Variants in ZNF660 observed in about 807,000 individuals in gnomAD.
ZNF660 encodes the protein zinc finger protein 660.
Under a neutral mutation model 23.2 loss-of-function variants are expected in ZNF660, and 24 were observed. That is an observed-to-expected ratio of 1.04 (90% CI 0.75 to 1.46). ZNF660 has a LOEUF of 1.46. ZNF660 is among the 40% of genes most tolerant of loss of function. The pLI, the probability that ZNF660 is intolerant of heterozygous loss-of-function variation, is 0.00. For missense variants in ZNF660, 373 were observed against 396.8 expected, an observed-to-expected ratio of 0.94 and a Z score of 0.51; for synonymous variants, 117 against 131.4, an observed-to-expected ratio of 0.89 and a Z score of 0.75.
rs1248932281 is a variant in ZNF660 at position 44,599,608 on chromosome 3, C to T, written c.*4419C>T. The T allele has an allele frequency of 6.6e-6, 1 of 152,070 alleles. No homozygotes were observed. Among genetic ancestry groups the T allele is most frequent in the South Asian group, 2.1e-4 (1 of 4,826 alleles). 9.4% of individuals were successfully genotyped at this position (152,070 alleles called of 1,614,324 possible). On this transcript the variant is annotated 3_prime_UTR_variant, in exon 3 of 3. Transcript: ENST00000322734. Reference sequence around the variant, plus strand: ...TTAGTCGCCAGACTGTCTTTAATAGCCTCTGATGTTATAAAACTGGAGTCA... The same window carrying T: ...TTAGTCGCCAGACTGTCTTTAATAGTCTCTGATGTTATAAAACTGGAGTCA...
rs1177157119 is a variant in ZNF660, at chr3:44,586,145, G to A, written c.-249G>A. On this transcript the variant is annotated 5_prime_UTR_variant, in exon 2 of 3. Transcript: ENST00000322734. ...TTAGGAACTTCTTCACTGAACTCAA[G>A]GAGGAGATCAGGCAAGATCTGTGCT... 1 of 152,170 alleles carries A rather than the reference G, an allele frequency of 6.6e-6. No individual in the cohort carries two copies. The highest frequency in any genetic ancestry group is 1.5e-5 in the Non-Finnish European group (1 of 68,040). 9.4% of individuals were successfully genotyped at this position (152,170 alleles called of 1,614,324 possible). A position where few individuals can be genotyped will look rare whatever the true frequency, so the allele number is the denominator to read the frequency against.
chr3:44,586,875 C>T (rs1301265378), intron 2 of ZNF660, among the ~76,000 whole-genome samples: 2 of 152,212 alleles, frequency 1.3e-5, no homozygotes, highest in Admixed American at 6.5e-5. Flanking sequence ...GAACTGCTCT[C>T]TGAGGGCATA....
rs1284506990 is a variant in ZNF660 at position 44,594,296 on chromosome 3, T to A, written c.103T>A (p.Cys35Ser). The A allele has an allele frequency of 6.2e-7, 1 of 1,614,142 alleles. No individual in the cohort carries two copies. Among genetic ancestry groups the A allele is most frequent in the South Asian group, 1.1e-5 (1 of 91,084 alleles). ...QESEKDNSQC[C>S]DPATNERVQA... ...ATCTGAAAAAGACAATAGTCAGTGCTGTGACCCTGCAACAAATGAGAGAGT... is the reference window on the plus strand; with the variant it reads ...ATCTGAAAAAGACAATAGTCAGTGCAGTGACCCTGCAACAAATGAGAGAGT... Residue 35 changes from cysteine (C) to serine (S), a missense_variant, in exon 3 of 3, where the codon TGT (cysteine) becomes AGT (serine). Coordinates refer to ENST00000322734, the MANE Select transcript of ZNF660 (RefSeq NM_173658.4).
At chr3:44,586,691 A>C (rs1700233165) in intron 2 of ZNF660, 1 of 152,180 alleles carries the variant, frequency 6.6e-6, no homozygotes. Context: ...AAAAGGACAA[A>C]CATGTAGAGG....
At chr3:44,593,692 A>C (rs1347919206) in intron 2 of ZNF660, among the ~76,000 whole-genome samples, 1 of 80,462 alleles carries the variant, frequency 1.2e-5, no homozygotes, top group Non-Finnish European at 3.2e-5. Context: ...TCCATCTCAA[A>C]AAAAAAAAAA....
chr3:44,591,555 A>G (rs1355027245), intron 2 of ZNF660, among the ~76,000 whole-genome samples: 1 of 152,242 alleles, frequency 6.6e-6, no homozygotes, highest in East Asian at 1.9e-4. Flanking sequence ...TTTTGTGTGT[A>G]TAAAGAGATT....
Position 44,597,993 on chromosome 3 carries a change from G to A in ZNF660, c.*2804G>A, listed in dbSNP as rs1197434750. 1 of 152,090 alleles carries A rather than the reference G, an allele frequency of 6.6e-6. No homozygotes were observed. Among genetic ancestry groups the A allele is most frequent in the African/African-American group, 2.4e-5 (1 of 41,384 alleles). 9.4% of individuals were successfully genotyped at this position (152,090 alleles called of 1,614,324 possible). On this transcript the variant is annotated 3_prime_UTR_variant, in exon 3 of 3. Coordinates refer to ENST00000322734, the MANE Select transcript of ZNF660 (RefSeq NM_173658.4). This position sits in a 1 kb window ranked among gnomAD's most constrained non-coding sequence, Gnocchi z 4.1. ...TTGAACTGATCACCCACCTTTCTCC[G>A]GGAGTCTCCCAGGGTTACCAACTTT... is the stretch of plus-strand genomic sequence containing the variant.
At chr3:44,589,819 A>T (rs1381281875) in intron 2 of ZNF660, among the ~76,000 whole-genome samples, 1 of 152,110 alleles carries the variant, frequency 6.6e-6, no homozygotes, top group Non-Finnish European at 1.5e-5. Context: ...ACAACAAAAA[A>T]TGTTGAGCGC....
In ZNF660 at chr3:44,595,857, A is replaced by C; in HGVS notation, c.*668A>C. ...TCCTTTTAGAGCGTGTTTCCTGTTAAGTAAAATCATAAACACCGATCCTTT... is the reference window on the plus strand; with the variant it reads ...TCCTTTTAGAGCGTGTTTCCTGTTACGTAAAATCATAAACACCGATCCTTT... On this transcript the variant is annotated 3_prime_UTR_variant, in exon 3 of 3. Coordinates refer to ENST00000322734, the MANE Select transcript of ZNF660 (RefSeq NM_173658.4). The C allele has an allele frequency of 6.0e-6, 1 of 167,086 alleles. No homozygotes were observed. The highest frequency in any genetic ancestry group is 1.9e-4 in the East Asian group (1 of 5,200). The allele number at this position is 167,086 out of a possible 1,614,324, so 10.4% of individuals were successfully genotyped here.
Position 44,595,081 on chromosome 3 carries a change from C to T in ZNF660, c.888C>T (p.His296=). 1 of 1,613,940 alleles carries T rather than the reference C, an allele frequency of 6.2e-7. No individual in the cohort carries two copies. The highest frequency in any genetic ancestry group is 8.5e-7 in the Non-Finnish European group (1 of 1,179,980). Residue 296 remains histidine (H), a synonymous_variant, in exon 3 of 3, where the codon CAC becomes CAT. Transcript: ENST00000322734. Reference sequence around the variant, plus strand: ...AAGTTATTCTACACTTGAGAACCCACACTAAGGAGAAACCCTATAAATGTA... The same window carrying T: ...AAGTTATTCTACACTTGAGAACCCATACTAAGGAGAAACCCTATAAATGTA... ...TSQVILHLRT[H]TKEKPYKCSE... is the part of the protein sequence containing the mutation.
At position 44,593,986 on chromosome 3, in the gene ZNF660, CAT is replaced by C. The variant is rs143136124; in HGVS notation, c.-180-27_-180-26del. The C allele has an allele frequency of 8.3e-4, 573 of 686,394 alleles. 2 individuals carry two copies. The East Asian group carries it at 0.015, about 18-fold the overall frequency. The allele number at this position is 686,394 out of a possible 1,614,324, so 42.5% of individuals were successfully genotyped here. On this transcript the variant is annotated intron_variant, in intron 2 of 2. Transcript: ENST00000322734. ...TTCCTCTGGTACAGAGAATAGGTGACATGTGCAATTTCTGTTTCTCCTGTCAG... is the reference window on the plus strand; with the variant it reads ...TTCCTCTGGTACAGAGAATAGGTGACGTGCAATTTCTGTTTCTCCTGTCAG...
rs1700540599 is a variant in ZNF660 at position 44,594,468 on chromosome 3, A to G, written c.275A>G (p.Asn92Ser). 6.2e-7 allele frequency: 1 copy of G among 1,614,042 alleles called. No homozygotes were observed. Among genetic ancestry groups the G allele is most frequent in the African/African-American group, 1.3e-5 (1 of 74,910 alleles). Residue 92 changes from asparagine (N) to serine (S), a missense_variant, in exon 3 of 3, where the codon AAC becomes AGC. Asn to Ser is a conservative substitution (Grantham distance 46). Coordinates refer to ENST00000322734, the MANE Select transcript of ZNF660 (RefSeq NM_173658.4). ...GGAAAAGCTTTCAGTCATAGCTCTA[A>G]CCTTGTTGTTCATCGGAGAATCCAC... is the stretch of plus-strand genomic sequence containing the variant. ...ECGKAFSHSS[N>S]LVVHRRIHTG...
In ZNF660 at chr3:44,593,935, C is replaced by A. The variant is rs192625678; in HGVS notation, c.-180-79C>A. Reference sequence around the variant, plus strand: ...ACACTTAACCCTTCCATATGGCTACCACATCTTGTCCGTGGATAGATCTCC... The same window carrying A: ...ACACTTAACCCTTCCATATGGCTACAACATCTTGTCCGTGGATAGATCTCC... On this transcript the variant is annotated intron_variant, in intron 2 of 2. Coordinates refer to ENST00000322734, the MANE Select transcript of ZNF660 (RefSeq NM_173658.4). 6.3e-4 allele frequency: 359 copies of A among 570,094 alleles called. 1 individual carries two copies. Among genetic ancestry groups the A allele is most frequent in the Non-Finnish European group, 9.6e-4 (288 of 301,298 alleles). 35.3% of individuals were successfully genotyped at this position (570,094 alleles called of 1,614,324 possible).
rs753309662 is a variant in ZNF660 at position 44,599,406 on chromosome 3, T to C, written c.*4217T>C. 1.3e-5 allele frequency: 2 copies of C among 152,094 alleles called. No homozygotes were observed. The highest frequency in any genetic ancestry group is 4.8e-5 in the African/African-American group (2 of 41,402). 9.4% of individuals were successfully genotyped at this position (152,094 alleles called of 1,614,324 possible). On this transcript the variant is annotated 3_prime_UTR_variant, in exon 3 of 3. Transcript: ENST00000322734. ...GTGTTAGGTATTACTTGGAAGAAAA[T>C]TGAAGTAAAAAACAGCTTTAAGTAA...
rs1700725743 is a variant in ZNF660 at position 44,599,436 on chromosome 3, G to A, written c.*4247G>A. 1 of 152,162 alleles carries A rather than the reference G, an allele frequency of 6.6e-6. No individual in the cohort carries two copies. The highest frequency in any genetic ancestry group is 2.4e-5 in the African/African-American group (1 of 41,416). The allele number at this position is 152,162 out of a possible 1,614,324, so 9.4% of individuals were successfully genotyped here. A position where few individuals can be genotyped will look rare whatever the true frequency, so the allele number is the denominator to read the frequency against. On this transcript the variant is annotated 3_prime_UTR_variant, in exon 3 of 3. Transcript: ENST00000322734. ...GTAAAAAACAGCTTTAAGTAACTGA[G>A]TAATTAGGATTAATTAGTAGCTGTT... is the stretch of plus-strand genomic sequence containing the variant.
At chr3:44,590,803 A>C (rs981535249) in intron 2 of ZNF660, among the ~76,000 whole-genome samples, 6 of 152,196 alleles carry the variant, frequency 3.9e-5, no homozygotes, top group African/African-American at 1.4e-4. Context: ...ACTGCTCTGC[A>C]TTGCAGTCCC....
chr3:44,597,811 T>A lies in ZNF660; in HGVS notation c.*2622T>A, dbSNP rs922633766. On this transcript the variant is annotated 3_prime_UTR_variant, in exon 3 of 3. Coordinates refer to ENST00000322734, the MANE Select transcript of ZNF660 (RefSeq NM_173658.4). The surrounding 1 kb of genome is among the most constrained non-coding windows in gnomAD (Gnocchi z 4.1). Reference sequence around the variant, plus strand: ...CATCTCATAACCAGAGAACTGAATATAGGAGAGCTTCATATTTCTTGCCCC... The same window carrying A: ...CATCTCATAACCAGAGAACTGAATAAAGGAGAGCTTCATATTTCTTGCCCC... 3 of 152,198 alleles carry A rather than the reference T, an allele frequency of 2.0e-5. No individual in the cohort carries two copies. Among genetic ancestry groups the A allele is most frequent in the African/African-American group, 7.2e-5 (3 of 41,448 alleles). The allele number at this position is 152,198 out of a possible 1,614,324, so 9.4% of individuals were successfully genotyped here.
Position 44,595,105 on chromosome 3 carries a change from T to C in ZNF660, c.912T>C (p.Cys304=), listed in dbSNP as rs2125754948. 3 of 1,613,942 alleles carry C rather than the reference T, an allele frequency of 1.9e-6. No individual in the cohort carries two copies. The highest frequency in any genetic ancestry group is 2.5e-6 in the Non-Finnish European group (3 of 1,179,954). The change falls in exon 3 of 3, where the codon TGT becomes TGC. Residue 304 remains cysteine (C), a synonymous_variant. Transcript: ENST00000322734. ...ACACTAAGGAGAAACCCTATAAATG[T>C]AGTGAGTGTGGGAAAGCCTATCGGT... ...RTHTKEKPYK[C]SECGKAYRYS...
Position 44,594,529 on chromosome 3 carries a change from G to A in ZNF660, c.336G>A (p.Gly112=), listed in dbSNP as rs778519264. The change falls in exon 3 of 3, where the codon GGG becomes GGA. Residue 112 remains glycine, a synonymous_variant. Coordinates refer to ENST00000322734, the MANE Select transcript of ZNF660 (RefSeq NM_173658.4). ...AGCCCTATACATGCAGTGAATGTGG[G>A]AAATCTTTCAGTGGAAAGTCACATC... ...GLKPYTCSEC[G]KSFSGKSHLI... 1 of 1,614,130 alleles carries A rather than the reference G, an allele frequency of 6.2e-7. No homozygotes were observed. The highest frequency in any genetic ancestry group is 1.1e-5 in the South Asian group (1 of 91,086).
Sources: gnomAD v4.1 joint callset for allele counts (sites outside exome capture counted in the v4.1 genomes callset) on GRCh38, gnomAD v4.1.1 for gene constraint, Gnocchi (gnomAD v3.1) non-coding constraint, MANE v1.5 for transcripts, NCBI Gene and HGNC (gene_info 2026-07-23, HGNC 2026-07-21) for gene names.